Variants in SYTL2 observed in about 807,000 individuals in gnomAD.
The protein encoded by SYTL2 is synaptotagmin like 2.
In SYTL2, 165 loss-of-function variants were observed where a neutral mutation model predicts 198.7. That is an observed-to-expected ratio of 0.83 (90% CI 0.73 to 0.94). The LOEUF (loss-of-function observed/expected upper bound fraction) is 0.94. SYTL2 is among the 40% of genes least tolerant of loss of function. The pLI, the probability that SYTL2 is intolerant of heterozygous loss-of-function variation, is 0.00. For missense variants in SYTL2, 2,835 were observed against 2,582.8 expected (o/e 1.10, Z -2.12); for synonymous variants, 966 against 917.7 (o/e 1.05, Z -0.95).
chr11:85,825,305 G>A, the SYTL2 span, among the ~76,000 whole-genome samples: 3 of 148,088 alleles, frequency 2.0e-5, no homozygotes, highest in African/African-American at 7.4e-5. Flanking sequence ...GGAGAATGGC[G>A]TGAACCCGGG....
chr11:85,806,781 AAAC>A (rs1387366437), intron 1 of SYTL2, among the ~76,000 whole-genome samples: 2 of 152,230 alleles, frequency 1.3e-5, no homozygotes, highest in Non-Finnish European at 2.9e-5. Flanking sequence ...CATGAATAGA[AAAC>A]AACCCAGAAT....
chr11:85,694,471 C>A lies in SYTL2; in HGVS notation c.*724G>T, dbSNP rs566093780. ...TATAAGAAAAACAATCATATATATG[C>A]AGGGTTTTAAAAAAATAAACTCATA... On this transcript the variant is annotated 3_prime_UTR_variant, in exon 20 of 20. Transcript: ENST00000359152. 4.6e-5 allele frequency: 7 copies of A among 152,266 alleles called. No homozygotes were observed. In the South Asian group the frequency reaches 1.5e-3, roughly 32 times the overall value. 9.4% of individuals were successfully genotyped at this position (152,266 alleles called of 1,614,324 possible). A position where few individuals can be genotyped will look rare whatever the true frequency, so the allele number is the denominator to read the frequency against.
chr11:85,777,543 A>C (rs183513065), intron 1 of SYTL2, among the ~76,000 whole-genome samples: 136 of 152,206 alleles, frequency 8.9e-4, no homozygotes, highest in African/African-American at 3.1e-3. Flanking sequence ...GCTAGAAAAG[A>C]TTTCAAGGTG....
intron 1 of SYTL2, among the ~76,000 whole-genome samples, chr11:85,808,167 A>G (rs1448804409): frequency 6.6e-6 from 1 of 152,108 alleles, no homozygotes; most frequent in East Asian, 1.9e-4. Context: ...CCCGGGTTCA[A>G]GAGATTCTCC....
intron 1 of SYTL2, among the ~76,000 whole-genome samples, chr11:85,770,768 C>T (rs1003101217): frequency 6.6e-6 from 1 of 152,196 alleles, no homozygotes; most frequent in African/African-American, 2.4e-5. Context: ...CATGAAACTG[C>T]TCCTGCAGCC....
intron 3 of SYTL2, among the ~76,000 whole-genome samples, 193 bp from the exon 4 acceptor site, chr11:85,745,965 T>C (rs2091129533): frequency 6.6e-6 from 1 of 152,082 alleles, no homozygotes; most frequent in South Asian, 2.1e-4. Flanking sequence ...CGACATTAGA[T>C]TTCCCCAAGC....
At chr11:85,776,606 T>C (rs2092456216) in intron 1 of SYTL2, among the ~76,000 whole-genome samples, 1 of 152,238 alleles carries the variant, frequency 6.6e-6, no homozygotes, top group Non-Finnish European at 1.5e-5. Flanking sequence ...CTGCATAGTA[T>C]CCATGCTGTA....
intron 13 of SYTL2, 79 bp from the exon 14 acceptor site, chr11:85,709,579 G>A (rs577577940): frequency 7.3e-5 from 99 of 1,348,934 alleles, no homozygotes; most frequent in Non-Finnish European, 1.0e-4. Flanking sequence ...TATAATCCCT[G>A]CTGGCATTAT....
intron 1 of SYTL2, among the ~76,000 whole-genome samples, chr11:85,800,446 T>C (rs974848885): frequency 8.5e-6 from 1 of 117,110 alleles, no homozygotes; most frequent in African/African-American, 3.8e-5. Flanking sequence ...CTGCTAATTT[T>C]TTTCTATTTT....
upstream of SYTL2, among the ~76,000 whole-genome samples, chr11:85,814,488 G>A (rs760471490): frequency 3.9e-5 from 6 of 152,222 alleles, no homozygotes; most frequent in Non-Finnish European, 8.8e-5. Context: ...GCCTGAAAGA[G>A]TTTTGTAGGT....
intron 1 of SYTL2, among the ~76,000 whole-genome samples, chr11:85,784,168 G>T (rs1439214909): frequency 6.6e-6 from 1 of 152,142 alleles, no homozygotes; most frequent in Non-Finnish European, 1.5e-5. Context: ...CCTTTCTAGA[G>T]ACCCTGACAG....
intron 1 of SYTL2, among the ~76,000 whole-genome samples, chr11:85,772,307 T>G (rs1345240352): frequency 6.6e-6 from 1 of 152,242 alleles, no homozygotes; most frequent in Non-Finnish European, 1.5e-5. Flanking sequence ...ACTTCGCCTA[T>G]CTTCATATAT....
the SYTL2 span, among the ~76,000 whole-genome samples, chr11:85,837,341 T>C: frequency 6.6e-6 from 1 of 152,062 alleles, no homozygotes; most frequent in Non-Finnish European, 1.5e-5. Context: ...CTAGCAGCGA[T>C]CTCTCTCTTT....
At chr11:85,853,037 G>A in the SYTL2 span, 1 of 312,160 alleles carries the variant, frequency 3.2e-6, no homozygotes. Context: ...ACCCTGTCTG[G>A]GAAGTGAGGA....
rs1317442740 is a variant in SYTL2 at position 85,736,510 on chromosome 11, A to G, written c.577T>C (p.Ser193Pro). The G allele has an allele frequency of 3.9e-6, 6 of 1,545,444 alleles. No homozygotes were observed. The highest frequency in any genetic ancestry group is 2.7e-5 in the African/African-American group (2 of 72,844). Reference protein sequence around the residue: ...KNGRTGLFQTSKEDELSESKE... With the variant: ...KNGRTGLFQTPKEDELSESKE... ...TAAAAATAATATTTACCCTCTTTTGAAGTCTGAAATAAACCAGTTCTTCCA... is the reference window on the plus strand; with the variant it reads ...TAAAAATAATATTTACCCTCTTTTGGAGTCTGAAATAAACCAGTTCTTCCA... The change falls in exon 6 of 20, where the codon TCA (serine) becomes CCA (proline). Residue 193 changes from serine (S) to proline (P), a missense_variant. Transcript: ENST00000359152.
intron 1 of SYTL2, among the ~76,000 whole-genome samples, chr11:85,810,402 G>A (rs2093016344): frequency 6.6e-6 from 1 of 152,114 alleles, no homozygotes; most frequent in Non-Finnish European, 1.5e-5. Context: ...AAAAACAGTC[G>A]CTTTTCCACT....
intron 1 of SYTL2, among the ~76,000 whole-genome samples, chr11:85,799,367 C>A (rs2092851041): frequency 6.6e-6 from 1 of 152,094 alleles, no homozygotes; most frequent in Non-Finnish European, 1.5e-5. Context: ...AACACTAAAC[C>A]AGTTAGAGGA....
chr11:85,750,840 G>A (rs1186625876), intron 2 of SYTL2, among the ~76,000 whole-genome samples: 1 of 152,100 alleles, frequency 6.6e-6, no homozygotes, highest in Non-Finnish European at 1.5e-5. Flanking sequence ...ATCAGAACAG[G>A]AAAAAACATC....
chr11:85,793,872 T>A (rs1473616576), intron 1 of SYTL2, among the ~76,000 whole-genome samples: 1 of 152,220 alleles, frequency 6.6e-6, no homozygotes, highest in Non-Finnish European at 1.5e-5. Flanking sequence ...CATACAGATA[T>A]GAACCCTGGA....
Sources: allele counts gnomAD v4.1 joint callset (sites outside exome capture counted in the v4.1 genomes callset), GRCh38; gene constraint gnomAD v4.1.1; transcripts MANE v1.5; gene names NCBI Gene and HGNC (gene_info 2026-07-23, HGNC 2026-07-21).